The following CCDC146 variants were observed in gnomAD, a reference collection of about 807,000 sequenced individuals.
CCDC146 encodes coiled-coil domain-containing protein 146.
In CCDC146, 92 loss-of-function variants were observed where a neutral mutation model predicts 119.3. The ratio of observed to expected loss-of-function variants is 0.77; its 90% CI spans 0.65 to 0.92. The LOEUF (loss-of-function observed/expected upper bound fraction) is 0.92. Among genes scored for constraint, CCDC146 ranks in the 40% least tolerant of loss-of-function variants. The pLI is 0.00. For synonymous variants in CCDC146, 372 were observed against 371.8 expected (o/e 1.00, Z -0.01); for missense variants, 1,000 against 1,103.0 (o/e 0.91, Z 1.32).
intron 4 of CCDC146, among the ~76,000 whole-genome samples, chr7:77,251,665 A>T (rs1451515328): frequency 6.6e-6 from 1 of 152,156 alleles, no homozygotes; most frequent in Non-Finnish European, 1.5e-5. Context: ...AGCAGAGGTC[A>T]TATGTAATGG....
At chr7:77,293,868 G>A (rs372556912) in intron 18 of CCDC146, among the ~76,000 whole-genome samples, 3 of 152,172 alleles carry the variant, frequency 2.0e-5, no homozygotes, top group South Asian at 2.1e-4. Flanking sequence ...GGGTATCACC[G>A]AAAGGGTCCC....
intron 4 of CCDC146, among the ~76,000 whole-genome samples, chr7:77,243,260 T>C (rs1792883191): frequency 6.6e-6 from 1 of 152,166 alleles, no homozygotes; most frequent in South Asian, 2.1e-4. Flanking sequence ...ACAGGCACAT[T>C]ATTCACTGAG....
intron 1 of CCDC146, among the ~76,000 whole-genome samples, chr7:77,159,271 A>G (rs1791222950): frequency 6.6e-6 from 1 of 152,038 alleles, no homozygotes; most frequent in South Asian, 2.1e-4. Flanking sequence ...TATCTTGCAT[A>G]GCTGAAATTT....
Position 77,192,787 on chromosome 7 carries a change from G to A in CCDC146, c.156+24963G>A, listed in dbSNP as rs145786406. On this transcript the variant is annotated intron_variant, in intron 2 of 18. Transcript: ENST00000285871. ...AAAATACAAAAATTAGCTGGGCGAG[G>A]TGGCAGGCGTCTGTAGTCCCAGCTA... Among the ~76,000 whole-genome samples, 800 of 152,200 alleles carry A rather than the reference G, an allele frequency of 5.3e-3. 8 individuals are homozygous for A. Among genetic ancestry groups the A allele is most frequent in the Non-Finnish European group, 9.3e-3 (632 of 68,014 alleles).
chr7:77,176,741 CT>C (rs146459283), intron 2 of CCDC146, among the ~76,000 whole-genome samples: 18,352 of 152,056 alleles, frequency 0.12, 1,288 homozygotes, highest in Middle Eastern at 0.17. Flanking sequence ...GTAAAGTTAT[CT>C]TTTTTTATGA....
At chr7:77,180,796 T>C (rs910223538) in intron 2 of CCDC146, among the ~76,000 whole-genome samples, 1 of 152,212 alleles carries the variant, frequency 6.6e-6, no homozygotes, top group Non-Finnish European at 1.5e-5. Flanking sequence ...TTGTTTTTAT[T>C]GCCAAGGCAC....
At chr7:77,237,262 G>C (rs1433359536) in intron 3 of CCDC146, among the ~76,000 whole-genome samples, 1 of 152,138 alleles carries the variant, frequency 6.6e-6, no homozygotes, top group Admixed American at 6.5e-5. Context: ...TATATGATGG[G>C]CTACTGGGGC....
At chr7:77,159,792 A>G (rs1791231374) in intron 1 of CCDC146, among the ~76,000 whole-genome samples, 1 of 152,162 alleles carries the variant, frequency 6.6e-6, no homozygotes, top group African/African-American at 2.4e-5. Context: ...ATCAACAATT[A>G]CTATCTTTTG....
At chr7:77,203,982 G>C (rs1792041147) in intron 2 of CCDC146, among the ~76,000 whole-genome samples, 1 of 151,522 alleles carries the variant, frequency 6.6e-6, no homozygotes, top group Non-Finnish European at 1.5e-5. Context: ...TCTATAACTG[G>C]ATCAGATTCC....
chr7:77,255,073 A>G (rs1314948347), intron 5 of CCDC146, among the ~76,000 whole-genome samples: 1 of 152,170 alleles, frequency 6.6e-6, no homozygotes, highest in African/African-American at 2.4e-5. Context: ...CTCCATTCAT[A>G]TACCAGCCAT....
At chr7:77,188,234 A>G (rs1791702545) in intron 2 of CCDC146, among the ~76,000 whole-genome samples, 1 of 151,950 alleles carries the variant, frequency 6.6e-6, no homozygotes, top group African/African-American at 2.4e-5. Context: ...TTTTTCCTTT[A>G]TCACCCCAGT....
chr7:77,197,496 G>A (rs531824138), intron 2 of CCDC146, among the ~76,000 whole-genome samples: 11 of 152,298 alleles, frequency 7.2e-5, no homozygotes, highest in African/African-American at 2.6e-4. Context: ...CTTTGTTCTC[G>A]TAATCATTGC....
intron 10 of CCDC146, among the ~76,000 whole-genome samples, 159 bp downstream of exon 10, chr7:77,273,948 A>C (rs986654628): frequency 6.6e-6 from 1 of 152,212 alleles, no homozygotes; most frequent in Non-Finnish European, 1.5e-5. Context: ...GTCCACTCCA[A>C]TCCTACACTA....
Position 77,262,261 on chromosome 7 carries a change from A to T in CCDC146, c.1127A>T (p.Asp376Val), listed in dbSNP as rs755090694. Reference sequence around the variant, plus strand: ...GAACTGCTCTTGAAAGTGTCCTGGGATGCACTTAGGCAAACTCAAGCACTG... The same window carrying T: ...GAACTGCTCTTGAAAGTGTCCTGGGTTGCACTTAGGCAAACTCAAGCACTG... ...KMELLLKVSW[D>V]ALRQTQALHQ... is the part of the protein sequence containing the mutation. Residue 376 changes from aspartate to valine, a missense_variant, in exon 9 of 19, where the codon GAT becomes GTT. This residue lies in a region of CCDC146 where 985 missense variants were observed against 1,045.3 expected (regional missense o/e 0.94). Coordinates refer to ENST00000285871, the MANE Select transcript of CCDC146 (RefSeq NM_020879.3). The T allele has an allele frequency of 1.1e-5, 18 of 1,613,814 alleles. No individual in the cohort carries two copies. The Middle Eastern group carries it at 4.9e-4, about 44-fold the overall frequency.
chr7:77,135,000 G>C (rs1180947201), intron 1 of CCDC146, among the ~76,000 whole-genome samples: 1 of 152,218 alleles, frequency 6.6e-6, no homozygotes, highest in African/African-American at 2.4e-5. Context: ...CATAGTGGTA[G>C]AAGGTGCTTC....
intron 3 of CCDC146, among the ~76,000 whole-genome samples, 173 bp from the exon 4 acceptor site, chr7:77,241,518 A>G (rs1792847952): frequency 6.6e-6 from 1 of 151,972 alleles, no homozygotes; most frequent in African/African-American, 2.4e-5. Context: ...TGGTTGGTTG[A>G]ATCCACAGAT....
chr7:77,267,024 G>C (rs3108436), intron 9 of CCDC146, among the ~76,000 whole-genome samples: 131,726 of 149,134 alleles, frequency 0.88, 58,419 homozygotes, highest in East Asian at 0.98. Flanking sequence ...CAGAGTCTCA[G>C]TCTGTTGCTG....
intron 1 of CCDC146, among the ~76,000 whole-genome samples, chr7:77,151,630 T>TA (rs544058538): frequency 1.3e-3 from 190 of 151,444 alleles, no homozygotes; most frequent in Middle Eastern, 6.8e-3. Context: ...TGATTTAAAT[T>TA]AAAAAAAAAC....
At chr7:77,254,185 T>C (rs1382175289) in intron 4 of CCDC146, among the ~76,000 whole-genome samples, 1 of 152,124 alleles carries the variant, frequency 6.6e-6, no homozygotes, top group East Asian at 1.9e-4. Context: ...ACCCGCCCAT[T>C]CCAAGTAACA....
Sources: allele counts gnomAD v4.1 joint callset (sites outside exome capture counted in the v4.1 genomes callset), GRCh38; gene constraint gnomAD v4.1.1; regional missense constraint gnomAD v4.1.1; transcripts MANE v1.5; gene names NCBI Gene and HGNC (gene_info 2026-07-23, HGNC 2026-07-21).